Variants in CUL1 observed in about 807,000 individuals in gnomAD.
CUL1 encodes the protein cullin 1, also known as cullin-1.
A neutral mutation model predicts 118.0 loss-of-function variants in CUL1; 24 were observed. That is an observed-to-expected ratio of 0.20 (90% CI 0.15 to 0.29). CUL1 has a LOEUF of 0.29. CUL1 is among the 10% of genes least tolerant of loss of function. The pLI is 1.00. For synonymous variants in CUL1, 332 were observed against 340.4 expected (o/e 0.98, Z 0.27); for missense variants, 361 against 933.8 (o/e 0.39, Z 7.99).
chr7:148,744,314 T>C (rs1376406142), intron 2 of CUL1, among the ~76,000 whole-genome samples: 1 of 152,118 alleles, frequency 6.6e-6, no homozygotes, highest in Non-Finnish European at 1.5e-5. Context: ...AAAAGTTTCT[T>C]TGTTCTTGCT....
At chr7:148,715,622 C>T (rs1219867236) in intron 1 of CUL1, among the ~76,000 whole-genome samples, 1 of 152,088 alleles carries the variant, frequency 6.6e-6, no homozygotes, top group Non-Finnish European at 1.5e-5. Flanking sequence ...AAATTTTAGT[C>T]CTCATCTCTA....
chr7:148,768,378 C>CTTTTTTTTTTTT (rs10595637), intron 9 of CUL1, among the ~76,000 whole-genome samples: 13 of 94,884 alleles, frequency 1.4e-4, no homozygotes, highest in African/African-American at 5.3e-4. Flanking sequence ...AAGAAAAGCT[C>CTTTTTTTTTTTT]TTTTTTTTTT....
intron 9 of CUL1, among the ~76,000 whole-genome samples, chr7:148,780,986 G>A (rs934106035): frequency 1.7e-4 from 25 of 148,816 alleles, no homozygotes; most frequent in African/African-American, 4.0e-4. Flanking sequence ...ATTCTCTCCC[G>A]TATATTATTC....
chr7:148,730,097 T>C lies in CUL1; in HGVS notation c.-26T>C, dbSNP rs750227032. 5.0e-6 allele frequency: 8 copies of C among 1,607,162 alleles called. No homozygotes were observed. Among genetic ancestry groups the C allele is most frequent in the East Asian group, 4.5e-5 (2 of 44,742 alleles). On this transcript the variant is annotated 5_prime_UTR_variant, in exon 2 of 22. Coordinates refer to ENST00000325222, the MANE Select transcript of CUL1 (RefSeq NM_003592.3). ...GTACTTTGAATAAGGATTGCTGCACTGGACGACTTTAGAACATCCCTCACA... is the reference window on the plus strand; with the variant it reads ...GTACTTTGAATAAGGATTGCTGCACCGGACGACTTTAGAACATCCCTCACA...
chr7:148,781,079 A>ATTTTTTTTTTTTTTT lies in CUL1; in HGVS notation c.1084-2696_1084-2682dup, dbSNP rs1197920664. ...GCTAAATTCACATTTTCAAGGCCAGATTTTTTTTTTTTTTTTTTTTTTGAC... is the reference window on the plus strand; with the variant it reads ...GCTAAATTCACATTTTCAAGGCCAGATTTTTTTTTTTTTTTTTTTTTTTTTTTTTTTTTTTTTGAC... On this transcript the variant is annotated intron_variant, in intron 9 of 21. Coordinates refer to ENST00000325222, the MANE Select transcript of CUL1 (RefSeq NM_003592.3). Among the ~76,000 whole-genome samples, 17 of 93,728 alleles carry ATTTTTTTTTTTTTTT rather than the reference A, an allele frequency of 1.8e-4. 1 individual carries two copies. Among genetic ancestry groups the ATTTTTTTTTTTTTTT allele is most frequent in the African/African-American group, 6.9e-4 (15 of 21,740 alleles). 61.5% of individuals were successfully genotyped at this position (93,728 alleles called of 152,430 possible).
intron 2 of CUL1, among the ~76,000 whole-genome samples, chr7:148,748,813 C>T (rs916673463): frequency 2.0e-5 from 3 of 151,966 alleles, no homozygotes; most frequent in Middle Eastern, 3.2e-3. Context: ...CTCATGTTTC[C>T]GCAATTTAAT....
Position 148,698,952 on chromosome 7 carries a change from C to CG in CUL1, c.-235dup, listed in dbSNP as rs1002774710. 113 of 153,708 alleles carry CG rather than the reference C, an allele frequency of 7.4e-4. No individual in the cohort carries two copies. Among genetic ancestry groups the CG allele is most frequent in the Middle Eastern group, 3.3e-3 (1 of 300 alleles). 9.5% of individuals were successfully genotyped at this position (153,708 alleles called of 1,614,324 possible). On this transcript the variant is annotated 5_prime_UTR_variant, in exon 1 of 22. Coordinates refer to ENST00000325222, the MANE Select transcript of CUL1 (RefSeq NM_003592.3). ...GGGACGCAGCTAGACCTTGGCGGGA[C>CG]GGGGCTTTCGCCGGGGCCCAGGCCC...
intron 11 of CUL1, among the ~76,000 whole-genome samples, chr7:148,784,781 T>C (rs998769215): frequency 6.6e-6 from 1 of 152,202 alleles, no homozygotes; most frequent in Non-Finnish European, 1.5e-5. Context: ...TAATAAATTA[T>C]ATTTTAAACA....
chr7:148,784,388 C>T (rs1443239661), intron 11 of CUL1, among the ~76,000 whole-genome samples: 1 of 152,074 alleles, frequency 6.6e-6, no homozygotes, highest in African/African-American at 2.4e-5. Flanking sequence ...GTGGTATGGC[C>T]GTAGATTGCC....
intron 9 of CUL1, among the ~76,000 whole-genome samples, chr7:148,772,086 A>T (rs1800230995): frequency 6.6e-6 from 1 of 152,176 alleles, no homozygotes; most frequent in African/African-American, 2.4e-5. Flanking sequence ...CATTTATGAT[A>T]CTTTCAATAA....
intron 1 of CUL1, among the ~76,000 whole-genome samples, chr7:148,719,971 A>G (rs1245897314): frequency 1.3e-5 from 2 of 152,230 alleles, no homozygotes; most frequent in African/African-American, 2.4e-5. Flanking sequence ...GGGCTTCCTC[A>G]TTTGTGAAAC....
At position 148,777,201 on chromosome 7, in the gene CUL1, T is replaced by C. The variant is rs556408338; in HGVS notation, c.1084-6582T>C. Reference sequence around the variant, plus strand: ...AATCAAAATGAAACCCACACAGTTATGGTGCTGGGATCAGGAATGTGTAGA... The same window carrying C: ...AATCAAAATGAAACCCACACAGTTACGGTGCTGGGATCAGGAATGTGTAGA... On this transcript the variant is annotated intron_variant, in intron 9 of 21. Transcript: ENST00000325222. Among the ~76,000 whole-genome samples, 9 of 152,328 alleles carry C rather than the reference T, an allele frequency of 5.9e-5. No individual in the cohort carries two copies. The South Asian group carries it at 1.4e-3, about 25-fold the overall frequency.
At chr7:148,768,600 G>A (rs530385040) in intron 9 of CUL1, among the ~76,000 whole-genome samples, 11 of 152,006 alleles carry the variant, frequency 7.2e-5, no homozygotes, top group South Asian at 6.3e-4. Flanking sequence ...GGCCAGGCTG[G>A]TCTCAAACTC....
At chr7:148,750,089 G>A (rs1358060050) in intron 2 of CUL1, among the ~76,000 whole-genome samples, 1 of 152,182 alleles carries the variant, frequency 6.6e-6, no homozygotes, top group African/African-American at 2.4e-5. Context: ...CAGAAGAAAA[G>A]CTAGAAGCTA....
At chr7:148,768,886 CTA>C (rs1300896470) in intron 9 of CUL1, among the ~76,000 whole-genome samples, 1 of 152,076 alleles carries the variant, frequency 6.6e-6, no homozygotes, top group Non-Finnish European at 1.5e-5. Flanking sequence ...TCAGCCGCCT[CTA>C]TGAATTATTA....
intron 2 of CUL1, among the ~76,000 whole-genome samples, chr7:148,737,368 G>A (rs1267272909): frequency 1.3e-5 from 2 of 151,914 alleles, no homozygotes; most frequent in East Asian, 1.9e-4. Context: ...GCTATTAGAT[G>A]TGAATTTATT....
intron 1 of CUL1, among the ~76,000 whole-genome samples, chr7:148,702,707 C>T (rs933335117): frequency 1.3e-5 from 2 of 152,202 alleles, no homozygotes; most frequent in African/African-American, 2.4e-5. Flanking sequence ...GCTCACACAT[C>T]ACCATCTCTG....
In CUL1 at chr7:148,754,161, T is replaced by TTA. The variant is rs1799583171; in HGVS notation, c.315+20_315+21dup. On this transcript the variant is annotated intron_variant, in intron 3 of 21. Transcript: ENST00000325222. ...ACAAATCTTCTTAAGGTAAGATGTT[T>TTA]TATATATATACTGAGTATTCATAAC... 6.6e-7 allele frequency: 1 copy of TTA among 1,523,578 alleles called. No homozygotes were observed. The highest frequency in any genetic ancestry group is 1.4e-5 in the African/African-American group (1 of 72,340). The allele number at this position is 1,523,578 out of a possible 1,614,324, so 94.4% of individuals were successfully genotyped here.
intron 1 of CUL1, 59 bp from the exon 2 acceptor site, chr7:148,729,903 T>C: frequency 2.1e-6 from 1 of 486,550 alleles, no homozygotes; most frequent in Admixed American, 3.8e-5. Flanking sequence ...TGTCAGTGTG[T>C]CTCACCTTAT....
Sources: allele counts gnomAD v4.1 joint callset (sites outside exome capture counted in the v4.1 genomes callset), GRCh38; gene constraint gnomAD v4.1.1; transcripts MANE v1.5; gene names NCBI Gene and HGNC (gene_info 2026-07-23, HGNC 2026-07-21).